The following CDH23 variants were observed in gnomAD, a reference collection of about 807,000 sequenced individuals.
The protein encoded by CDH23 is cadherin related 23.
Under a neutral mutation model 317.1 loss-of-function variants are expected in CDH23, and 189 were observed. That is an observed-to-expected ratio of 0.60 (90% CI 0.53 to 0.67). CDH23 has a LOEUF of 0.67. Ranked by LOEUF, CDH23 falls within the 30% of genes least tolerant of loss-of-function variation. CDH23 has a pLI of 0.00. For synonymous variants in CDH23, 1,839 were observed against 1,876.8 expected (o/e 0.98, Z 0.52); for missense variants, 4,401 against 4,592.4 (o/e 0.96, Z 1.20).
At chr10:71,516,006 T>C (rs1435410428) in intron 6 of CDH23, among the ~76,000 whole-genome samples, 1 of 152,244 alleles carries the variant, frequency 6.6e-6, no homozygotes, top group Non-Finnish European at 1.5e-5. Context: ...AGAAAGAGAC[T>C]ATGGTGTCTA....
intron 11 of CDH23, among the ~76,000 whole-genome samples, chr10:71,636,670 C>T (rs1047922807): frequency 1.3e-4 from 20 of 152,198 alleles, no homozygotes; most frequent in African/African-American, 4.8e-4. Flanking sequence ...CTCCTGACCT[C>T]AGGCCCATGG....
At chr10:71,455,642 C>T (rs1295665406) in intron 3 of CDH23, among the ~76,000 whole-genome samples, 1 of 151,666 alleles carries the variant, frequency 6.6e-6, no homozygotes, top group African/African-American at 2.4e-5. Context: ...CAGAAAGCAG[C>T]ATAGAAAAAA....
chr10:71,716,444 C>T (rs1866244294), intron 28 of CDH23: 6 of 897,828 alleles, frequency 6.7e-6, no homozygotes, highest in Non-Finnish European at 1.0e-5. Context: ...GGGCAAGGCA[C>T]TGTTAAACTG....
At chr10:71,710,765 C>T (rs1359875158) in intron 27 of CDH23, among the ~76,000 whole-genome samples, 2 of 152,236 alleles carry the variant, frequency 1.3e-5, no homozygotes, top group African/African-American at 4.8e-5. Flanking sequence ...ATGCAAGGGC[C>T]TGGAGGTGGG....
chr10:71,461,191 A>G (rs543404267), intron 3 of CDH23, among the ~76,000 whole-genome samples: 2 of 152,358 alleles, frequency 1.3e-5, no homozygotes, highest in South Asian at 4.1e-4. Context: ...GAGACAGGGA[A>G]GAGTCCAAAC....
intron 55 of CDH23, 64 bp from the exon 56 acceptor site, chr10:71,805,742 T>C: frequency 6.7e-7 from 1 of 1,493,122 alleles, no homozygotes; most frequent in Non-Finnish European, 9.0e-7. Context: ...AAGGGCTCCC[T>C]CAGGACCTAG....
chr10:71,721,839 C>A (rs1346312079), intron 28 of CDH23, among the ~76,000 whole-genome samples: 1 of 152,228 alleles, frequency 6.6e-6, no homozygotes, highest in Non-Finnish European at 1.5e-5. Context: ...GCTGTCCCTG[C>A]ATGAGCCCTT....
At chr10:71,451,102 TCCCTC>T (rs1181319085) in intron 3 of CDH23, among the ~76,000 whole-genome samples, 1 of 151,940 alleles carries the variant, frequency 6.6e-6, no homozygotes, top group African/African-American at 2.4e-5. Context: ...CCTCTTTTTC[TCCCTC>T]CCCTCCCCTC....
At chr10:71,483,207 C>T (rs1589124854) in intron 3 of CDH23, among the ~76,000 whole-genome samples, 1 of 152,156 alleles carries the variant, frequency 6.6e-6, no homozygotes. Flanking sequence ...GGTGACCCAC[C>T]CCAGCATAAC....
intron 9 of CDH23, among the ~76,000 whole-genome samples, chr10:71,612,543 A>G (rs1353733400): frequency 6.6e-6 from 1 of 152,244 alleles, no homozygotes; most frequent in Non-Finnish European, 1.5e-5. Context: ...TCTCACAAAG[A>G]TAAAAATTGA....
chr10:71,753,772 G>A, intron 38 of CDH23: 4 of 456,458 alleles, frequency 8.8e-6, no homozygotes, highest in Non-Finnish European at 8.8e-6. Flanking sequence ...TGGGGAAACA[G>A]ATGGTGGGGG....
At chr10:71,761,607 C>T in intron 38 of CDH23, 1 of 1,589,734 alleles carries the variant, frequency 6.3e-7, no homozygotes, top group Non-Finnish European at 8.6e-7. Context: ...CCTGTCTGCA[C>T]CTGCAGCTCC....
intron 49 of CDH23, among the ~76,000 whole-genome samples, chr10:71,797,769 C>T (rs562376363): frequency 2.0e-5 from 3 of 151,262 alleles, no homozygotes; most frequent in African/African-American, 4.9e-5. Flanking sequence ...CAGCCTGAGG[C>T]GTGGGCTGGG....
At chr10:71,779,189 T>C (rs996257614) in intron 40 of CDH23, 78 bp from the exon 41 acceptor site, 2 of 1,389,068 alleles carry the variant, frequency 1.4e-6, no homozygotes, top group Non-Finnish European at 1.0e-6. Context: ...ATCAGGTCCA[T>C]TTCACAGAGG....
chr10:71,803,120 AG>A, intron 54 of CDH23, 45 bp downstream of exon 54: 2 of 843,098 alleles, frequency 2.4e-6, no homozygotes, highest in Non-Finnish European at 3.8e-6. Context: ...GGGGGGTGGG[AG>A]GGGGAGGCCT....
At chr10:71,563,892 G>A (rs970445256) in intron 6 of CDH23, among the ~76,000 whole-genome samples, 1 of 152,048 alleles carries the variant, frequency 6.6e-6, no homozygotes, top group Non-Finnish European at 1.5e-5. Flanking sequence ...GGGATTACAG[G>A]CACGCACCAC....
At chr10:71,694,056 CCTCTCTCCTTCCCTCGCTCT>C in intron 20 of CDH23, 71 bp from the exon 21 acceptor site, 3 of 1,005,668 alleles carry the variant, frequency 3.0e-6, no homozygotes, top group Admixed American at 3.9e-5. Flanking sequence ...AAGTTCTCAC[CCTCTCTCCTTCCCTCGCTCT>C]CTCTCTTCTT....
intron 38 of CDH23, among the ~76,000 whole-genome samples, chr10:71,745,371 G>A (rs1326854983): frequency 2.0e-5 from 3 of 152,206 alleles, no homozygotes; most frequent in African/African-American, 2.4e-5. Context: ...AATAATCAGG[G>A]ATGGGTTCTG....
rs191048815 is a variant in CDH23, at chr10:71,523,635, C to T, written c.429+12423C>T. Among the ~76,000 whole-genome samples, 32 of 152,250 alleles carry T rather than the reference C, an allele frequency of 2.1e-4. No individual in the cohort carries two copies. In the East Asian group the frequency reaches 2.3e-3, roughly 11 times the overall value. ...ATAAGTGAGCAAGCCTTAGAGATCC[C>T]GTTTAACCGTTGCTGTGCAGAAGGG... On this transcript the variant is annotated intron_variant, in intron 6 of 69. Transcript: ENST00000224721.
Sources: gnomAD v4.1 joint callset for allele counts (sites outside exome capture counted in the v4.1 genomes callset) on GRCh38, gnomAD v4.1.1 for gene constraint, MANE v1.5 for transcripts, NCBI Gene and HGNC (gene_info 2026-07-23, HGNC 2026-07-21) for gene names.